TUSC3: variants seen among roughly 807,000 people sequenced by gnomAD.
TUSC3 encodes the protein tumor suppressor candidate 3.
TUSC3 carries 45 observed loss-of-function variants against 44.8 expected under a neutral mutation model. The ratio of observed to expected loss-of-function variants is 1.00; its 90% CI spans 0.79 to 1.29. The LOEUF (loss-of-function observed/expected upper bound fraction) is 1.29. Ranked by LOEUF, TUSC3 falls within the 50% of genes most tolerant of loss-of-function variation. The pLI is 0.00. For missense variants in TUSC3, 519 were observed against 437.9 expected, an observed-to-expected ratio of 1.19 and a Z score of -1.65; for synonymous variants, 212 against 152.9, an observed-to-expected ratio of 1.39 and a Z score of -2.85.
the TUSC3 span, among the ~76,000 whole-genome samples, chr8:15,837,131 T>C: frequency 2.0e-5 from 3 of 152,210 alleles, no homozygotes; most frequent in African/African-American, 7.2e-5. Context: ...CAGTGTATGC[T>C]GTAGTGGATA....
At chr8:15,789,994 G>T in the TUSC3 span, among the ~76,000 whole-genome samples, 5 of 151,978 alleles carry the variant, frequency 3.3e-5, no homozygotes, top group Non-Finnish European at 7.4e-5. Flanking sequence ...TGCAGACCAG[G>T]GCTAACTCCT....
At chr8:15,509,684 T>C (rs375240818) in intron 2 of TUSC3, among the ~76,000 whole-genome samples, 7 of 152,280 alleles carry the variant, frequency 4.6e-5, no homozygotes, top group Middle Eastern at 3.4e-3. Flanking sequence ...GTCTTAACTG[T>C]AGCTTTGTAC....
chr8:15,443,429 G>T, intron 1 of TUSC3, among the ~76,000 whole-genome samples: 1 of 151,172 alleles, frequency 6.6e-6, no homozygotes, highest in African/African-American at 2.4e-5. Flanking sequence ...GAACTTCTGG[G>T]CTCGAGTGAT....
At chr8:15,499,803 C>T (rs914442155) in intron 2 of TUSC3, among the ~76,000 whole-genome samples, 5 of 152,112 alleles carry the variant, frequency 3.3e-5, no homozygotes, top group African/African-American at 4.8e-5. Context: ...TTCCTCCCTG[C>T]AGCTTGTCAA....
intron 2 of TUSC3, among the ~76,000 whole-genome samples, chr8:15,485,053 T>C (rs1490768063): frequency 6.6e-6 from 1 of 152,180 alleles, no homozygotes. Context: ...TCTCAGGTCA[T>C]TCATTTTTCA....
intron 2 of TUSC3, among the ~76,000 whole-genome samples, chr8:15,522,429 C>T (rs536409123): frequency 5.9e-5 from 9 of 152,106 alleles, no homozygotes; most frequent in East Asian, 1.9e-4. Flanking sequence ...GAAAGGGTTT[C>T]GCCATGTTGG....
chr8:15,789,113 G>C, the TUSC3 span, among the ~76,000 whole-genome samples: 902 of 152,248 alleles, frequency 5.9e-3, 7 homozygotes, highest in African/African-American at 0.021. Context: ...TGAACAAATA[G>C]CATTATCCAC....
intron 10 of TUSC3, among the ~76,000 whole-genome samples, chr8:15,763,220 T>C (rs1812225161): frequency 6.6e-6 from 1 of 151,936 alleles, no homozygotes; most frequent in African/African-American, 2.4e-5. Flanking sequence ...AATCCTAAAA[T>C]ATTAGCACGA....
In TUSC3 at chr8:15,712,074, C is replaced by T. The variant is rs550113452; in HGVS notation, c.799-18592C>T. ...TTCGTCACATAATAATTTTTATTTT[C>T]TAGGATTGAATATATCTTATTAATA... On this transcript the variant is annotated intron_variant, in intron 6 of 10. Transcript: ENST00000503731. Among the ~76,000 whole-genome samples the T allele has an allele frequency of 3.3e-5, 5 of 151,830 alleles. No homozygotes were observed. In the East Asian group the frequency reaches 9.7e-4, roughly 29 times the overall value.
At chr8:15,538,075 C>T (rs916302024), upstream of TUSC3, among the ~76,000 whole-genome samples, 2 of 152,096 alleles carry the variant, frequency 1.3e-5, no homozygotes, top group Admixed American at 1.3e-4. Flanking sequence ...TAAAACCCAC[C>T]AGCCGCAGGC....
At chr8:15,432,443 A>T (rs1438308995) in intron 1 of TUSC3, among the ~76,000 whole-genome samples, 1 of 152,074 alleles carries the variant, frequency 6.6e-6, no homozygotes, top group East Asian at 1.9e-4. Context: ...TAGAGCACTT[A>T]TATTATTCAT....
the TUSC3 span, among the ~76,000 whole-genome samples, chr8:15,829,073 C>A: frequency 6.6e-6 from 1 of 152,154 alleles, no homozygotes; most frequent in Admixed American, 6.6e-5. Flanking sequence ...GTTTTCTTCT[C>A]ATACTTACCC....
intron 2 of TUSC3, among the ~76,000 whole-genome samples, chr8:15,498,046 G>A (rs928437830): frequency 6.6e-6 from 1 of 152,186 alleles, no homozygotes; most frequent in Non-Finnish European, 1.5e-5. Flanking sequence ...CACTGTGCCC[G>A]GCTCTGTTTT....
intron 1 of TUSC3, among the ~76,000 whole-genome samples, chr8:15,609,693 G>C (rs1348542773): frequency 6.6e-6 from 1 of 151,774 alleles, no homozygotes; most frequent in Non-Finnish European, 1.5e-5. Flanking sequence ...TCTCTTGATA[G>C]TAGGGTATTG....
the TUSC3 span, among the ~76,000 whole-genome samples, chr8:15,794,429 A>G: frequency 6.6e-6 from 1 of 152,330 alleles, no homozygotes; most frequent in South Asian, 2.1e-4. Context: ...GATAAGTCTA[A>G]CATAATTTGA....
At chr8:15,539,000 C>G (rs1313104723), upstream of TUSC3, among the ~76,000 whole-genome samples, 1 of 151,502 alleles carries the variant, frequency 6.6e-6, no homozygotes, top group East Asian at 1.9e-4. Context: ...CAAGTACTCC[C>G]CACCATACCC....
intron 2 of TUSC3, among the ~76,000 whole-genome samples, chr8:15,625,713 A>C (rs1283170624): frequency 1.3e-5 from 2 of 152,238 alleles, no homozygotes; most frequent in Non-Finnish European, 2.9e-5. Context: ...GTAAAAAATC[A>C]GTTTTACTCA....
At chr8:15,686,123 GC>G (rs1808618173) in intron 6 of TUSC3, among the ~76,000 whole-genome samples, 1 of 152,062 alleles carries the variant, frequency 6.6e-6, no homozygotes, top group African/African-American at 2.4e-5. Flanking sequence ...CCACTTAACA[GC>G]ATGAAAATCA....
intron 1 of TUSC3, among the ~76,000 whole-genome samples, chr8:15,568,409 T>C (rs534044940): frequency 6.6e-6 from 1 of 152,248 alleles, no homozygotes; most frequent in South Asian, 2.1e-4. Flanking sequence ...AGTTCTCATA[T>C]CTGGTCATTC....
Sources: gnomAD v4.1 joint callset for allele counts (sites outside exome capture counted in the v4.1 genomes callset) on GRCh38, gnomAD v4.1.1 for gene constraint, MANE v1.5 for transcripts, NCBI Gene and HGNC (gene_info 2026-07-23, HGNC 2026-07-21) for gene names.